The following CMYA5 variants were observed in gnomAD, a reference collection of about 807,000 sequenced individuals.
CMYA5 encodes the protein cardiomyopathy-associated protein 5.
CMYA5 carries 246 observed loss-of-function variants against 318.9 expected under a neutral mutation model. The observed-to-expected ratio is 0.77, with a 90% CI of 0.70 to 0.86. CMYA5 has a LOEUF of 0.86. Among genes scored for constraint, CMYA5 ranks in the 40% least tolerant of loss-of-function variants. The pLI is 0.00. For synonymous variants in CMYA5, 1,641 were observed against 1,729.5 expected (o/e 0.95, Z 1.27); for missense variants, 4,589 against 4,678.2 (o/e 0.98, Z 0.56).
Position 79,734,520 on chromosome 5 carries a change from T to C in CMYA5, c.5755T>C (p.Ser1919Pro). 6.2e-7 allele frequency: 1 copy of C among 1,613,806 alleles called. No homozygotes were observed. Among genetic ancestry groups the C allele is most frequent in the Non-Finnish European group, 8.5e-7 (1 of 1,179,802 alleles). ...RIAGSVQLDS[S>P]SSNELRPGQL... ...AGCAGGATCTGTGCAGCTGGATTCCTCTAGCAGCAATGAGCTGAGGCCAGG... is the reference window on the plus strand; with the variant it reads ...AGCAGGATCTGTGCAGCTGGATTCCCCTAGCAGCAATGAGCTGAGGCCAGG... Residue 1919 changes from serine to proline, a missense_variant, in exon 2 of 13, where the codon TCT becomes CCT. Physicochemically the swap from Ser to Pro is moderately conservative, Grantham distance 74. Coordinates refer to ENST00000446378, the MANE Select transcript of CMYA5 (RefSeq NM_153610.5).
At chr5:79,786,033 G>T (rs1219607733) in intron 9 of CMYA5, among the ~76,000 whole-genome samples, 1 of 152,156 alleles carries the variant, frequency 6.6e-6, no homozygotes. Flanking sequence ...TCTCTCATTC[G>T]CAGAGCAGCC....
rs1358425370 is a variant in CMYA5, at chr5:79,738,322, C to T, written c.9557C>T (p.Pro3186Leu). The T allele has an allele frequency of 6.2e-7, 1 of 1,613,568 alleles. No individual in the cohort carries two copies. The highest frequency in any genetic ancestry group is 1.1e-5 in the South Asian group (1 of 90,998). Residue 3186 changes from proline to leucine, a missense_variant, in exon 2 of 13, where the codon CCA (proline) becomes CTA (leucine). By Grantham distance (98) the Pro-to-Leu change is moderately conservative (BLOSUM62 -3). Around this residue, in one of 3 missense-constraint regions of CMYA5, gnomAD observed 2,431 missense variants for 2,495.1 expected, o/e 0.97. Coordinates refer to ENST00000446378, the MANE Select transcript of CMYA5 (RefSeq NM_153610.5). Reference protein sequence around the residue: ...KVIDPEFLEEPPALAFLYKDL... With the variant: ...KVIDPEFLEELPALAFLYKDL... ...ATTGATCCAGAATTTCTGGAGGAGC[C>T]ACCTGCACTTGCATTTTTATATAAG...
chr5:79,796,663 G>A (rs1409066517), intron 12 of CMYA5, among the ~76,000 whole-genome samples: 1 of 152,194 alleles, frequency 6.6e-6, no homozygotes, highest in Admixed American at 6.5e-5. Context: ...GCCTCCCAAA[G>A]TGCTGGGATT....
intron 1 of CMYA5, among the ~76,000 whole-genome samples, chr5:79,697,727 A>AAT (rs756308746): frequency 3.3e-5 from 5 of 152,092 alleles, no homozygotes; most frequent in African/African-American, 4.8e-5. Flanking sequence ...AATATTATGT[A>AAT]ATATATATAT....
Position 79,799,854 on chromosome 5 carries a change from GAGTTCTTTCC to G in CMYA5, c.*239_*248del. 4.5e-6 allele frequency: 1 copy of G among 224,298 alleles called. No individual in the cohort carries two copies. The highest frequency in any genetic ancestry group is 8.0e-6 in the Non-Finnish European group (1 of 124,958). The allele number at this position is 224,298 out of a possible 1,614,324, so 13.9% of individuals were successfully genotyped here. On this transcript the variant is annotated 3_prime_UTR_variant, in exon 13 of 13. Coordinates refer to ENST00000446378, the MANE Select transcript of CMYA5 (RefSeq NM_153610.5). ...TCCACTCTTTAGTTTATATAAGTTT[GAGTTCTTTCC>G]TAAATTAAAAGATCTACACTTGAGT...
In CMYA5 at chr5:79,757,566, A is replaced by C. The variant is rs543698419; in HGVS notation, c.11111-1187A>C. 5.3e-5 allele frequency among the ~76,000 whole-genome samples: 8 copies of C among 152,358 alleles called. No homozygotes were observed. The South Asian group carries it at 1.7e-3, about 32-fold the overall frequency. On this transcript the variant is annotated intron_variant, in intron 6 of 12. Transcript: ENST00000446378. ...CCATGTTGGAAAGAAAAAATGGGAT[A>C]GTCGTTTCAGAAAGTGTATTTTGAT...
chr5:79,778,296 TA>T (rs1828980531), intron 9 of CMYA5, among the ~76,000 whole-genome samples: 1 of 152,224 alleles, frequency 6.6e-6, no homozygotes, highest in South Asian at 2.1e-4. Context: ...AATAACTGGT[TA>T]AAAAGTGTGT....
intron 11 of CMYA5, 67 bp from the exon 12 acceptor site, chr5:79,793,370 T>C: frequency 6.8e-7 from 1 of 1,464,322 alleles, no homozygotes; most frequent in African/African-American, 1.4e-5. Context: ...TTTGTGAATG[T>C]TTATGCTTAT....
chr5:79,744,005 T>C (rs13155412), intron 3 of CMYA5, 83 bp downstream of exon 3: 102,860 of 668,360 alleles, frequency 0.15, 8,363 homozygotes, highest in African/African-American at 0.18. Flanking sequence ...GGGATCTGAC[T>C]TGGGGATTTT....
At chr5:79,692,502 G>A (rs140261716) in intron 1 of CMYA5, among the ~76,000 whole-genome samples, 1 of 152,306 alleles carries the variant, frequency 6.6e-6, no homozygotes, top group Non-Finnish European at 1.5e-5. Flanking sequence ...TATTGGATCA[G>A]AGAACTATCC....
intron 6 of CMYA5, among the ~76,000 whole-genome samples, chr5:79,757,122 G>C (rs1385501885): frequency 3.3e-5 from 5 of 150,826 alleles, no homozygotes; most frequent in Admixed American, 3.3e-4. Context: ...TTGAACCCAG[G>C]AGGTGGAGGT....
chr5:79,729,603 A>T lies in CMYA5; in HGVS notation c.838A>T (p.Thr280Ser). The T allele has an allele frequency of 6.2e-7, 1 of 1,613,444 alleles. No individual in the cohort carries two copies. Among genetic ancestry groups the T allele is most frequent in the Non-Finnish European group, 8.5e-7 (1 of 1,179,356 alleles). ...EPDLDNSGSN[T>S]VSKTRKLVAQ... The stretch of plus-strand genomic sequence containing the variant: ...AGATTTGGACAATAGTGGTTCTAAT[A>T]CAGTGTCCAAAACACGCAAATTAGT... The change falls in exon 2 of 13, where the codon ACA becomes TCA. Residue 280 changes from threonine to serine, a missense_variant. Coordinates refer to ENST00000446378, the MANE Select transcript of CMYA5 (RefSeq NM_153610.5).
chr5:79,790,997 C>T lies in CMYA5; in HGVS notation c.11717C>T (p.Thr3906Ile). ...RGTRFLLLRE[T>I]AHPALHISSS... is the part of the protein sequence containing the mutation. ...ACCAGATTTCTCTTGTTGAGAGAAA[C>T]AGCTCATCCTGCTCTACACATTTCC... The change falls in exon 11 of 13, where the codon ACA becomes ATA. Residue 3906 changes from threonine (T) to isoleucine (I), a missense_variant. This residue lies in a region of CMYA5 where 2,431 missense variants were observed against 2,495.1 expected (regional missense o/e 0.97). Transcript: ENST00000446378. 6.2e-7 allele frequency: 1 copy of T among 1,613,728 alleles called. No homozygotes were observed. The highest frequency in any genetic ancestry group is 8.5e-7 in the Non-Finnish European group (1 of 1,179,736).
intron 1 of CMYA5, among the ~76,000 whole-genome samples, chr5:79,698,131 G>A (rs1827105782): frequency 6.6e-6 from 1 of 152,128 alleles, no homozygotes; most frequent in South Asian, 2.1e-4. Context: ...TTGGGGTCAT[G>A]AACTTTGAAG....
At position 79,733,927 on chromosome 5, in the gene CMYA5, T is replaced by C; in HGVS notation, c.5162T>C (p.Ile1721Thr). ...EEIKPFSPKI[I>T]SLESKEPPAS... ...ATTAAACCTTTCTCTCCCAAGATCATCAGCCTAGAGTCGAAAGAACCACCT... is the reference window on the plus strand; with the variant it reads ...ATTAAACCTTTCTCTCCCAAGATCACCAGCCTAGAGTCGAAAGAACCACCT... Residue 1721 changes from isoleucine (I) to threonine (T), a missense_variant, in exon 2 of 13, where the codon ATC becomes ACC. This residue lies in a region of CMYA5 where 2,132 missense variants were observed against 2,131.3 expected (regional missense o/e 1.00). Coordinates refer to ENST00000446378, the MANE Select transcript of CMYA5 (RefSeq NM_153610.5). 1 of 1,613,174 alleles carries C rather than the reference T, an allele frequency of 6.2e-7. No individual in the cohort carries two copies. The highest frequency in any genetic ancestry group is 8.5e-7 in the Non-Finnish European group (1 of 1,179,764).
At chr5:79,728,034 G>A (rs986148137) in intron 1 of CMYA5, among the ~76,000 whole-genome samples, 1 of 152,100 alleles carries the variant, frequency 6.6e-6, no homozygotes, top group African/African-American at 2.4e-5. Flanking sequence ...TAAGCATTTC[G>A]CATGAGTTAA....
chr5:79,793,008 G>T (rs1829205769), intron 11 of CMYA5, among the ~76,000 whole-genome samples: 1 of 152,214 alleles, frequency 6.6e-6, no homozygotes, highest in Non-Finnish European at 1.5e-5. Flanking sequence ...AGAACTCATG[G>T]TTAAAGTTTT....
intron 6 of CMYA5, among the ~76,000 whole-genome samples, chr5:79,756,651 A>G (rs997753559): frequency 2.0e-5 from 3 of 151,856 alleles, no homozygotes; most frequent in Non-Finnish European, 4.4e-5. Flanking sequence ...ACAACTGTGT[A>G]TTTTTTCAGC....
intron 1 of CMYA5, among the ~76,000 whole-genome samples, chr5:79,718,305 T>A (rs1827557939): frequency 6.6e-6 from 1 of 152,228 alleles, no homozygotes; most frequent in Non-Finnish European, 1.5e-5. Context: ...TAATGATTGC[T>A]TTTAAGAATT....
Sources: gnomAD v4.1 joint callset for allele counts (sites outside exome capture counted in the v4.1 genomes callset) on GRCh38, gnomAD v4.1.1 for gene constraint, gnomAD v4.1.1 regional missense constraint, MANE v1.5 for transcripts, NCBI Gene and HGNC (gene_info 2026-07-23, HGNC 2026-07-21) for gene names.